The following ARB2A variants were observed in gnomAD, a reference collection of about 807,000 sequenced individuals.
ARB2A encodes the protein ARB2 cotranscriptional regulator A, also known as cotranscriptional regulator ARB2A.
At chr5:93,781,734 TG>T in the ARB2A span, 1 of 207,210 alleles carries the variant, frequency 4.8e-6, no homozygotes, top group Admixed American at 6.5e-5. Context: ...TGGTGTGAGA[TG>T]GTATCTCATT....
the ARB2A span, among the ~76,000 whole-genome samples, chr5:94,073,885 C>A: frequency 6.6e-6 from 1 of 152,092 alleles, no homozygotes; most frequent in African/African-American, 2.4e-5. Flanking sequence ...CAAATGACCT[C>A]CACATGGTCA....
At chr5:93,920,257 T>C in the ARB2A span, among the ~76,000 whole-genome samples, 1 of 152,172 alleles carries the variant, frequency 6.6e-6, no homozygotes, top group Non-Finnish European at 1.5e-5. Context: ...TTAAAATATT[T>C]ACATGGATTA....
the ARB2A span, among the ~76,000 whole-genome samples, chr5:94,104,659 G>C: frequency 2.6e-5 from 4 of 151,968 alleles, no homozygotes; most frequent in African/African-American, 9.7e-5. Context: ...TATGAAGCTA[G>C]CATCATTCTG....
the ARB2A span, among the ~76,000 whole-genome samples, chr5:93,755,227 T>C: frequency 6.6e-6 from 1 of 152,288 alleles, no homozygotes; most frequent in African/African-American, 2.4e-5. Context: ...GTTGCCACTT[T>C]ATAATAAATA....
the ARB2A span, among the ~76,000 whole-genome samples, chr5:94,032,761 A>C: frequency 6.6e-6 from 1 of 152,172 alleles, no homozygotes. Context: ...GTGAGAGATG[A>C]TTCTGGAGTT....
At chr5:94,109,414 A>C in the ARB2A span, among the ~76,000 whole-genome samples, 1 of 152,166 alleles carries the variant, frequency 6.6e-6, no homozygotes, top group African/African-American at 2.4e-5. Flanking sequence ...TACTGTGCAA[A>C]CCCAATCTGA....
chr5:93,633,127 G>A, the ARB2A span, among the ~76,000 whole-genome samples: 1 of 152,140 alleles, frequency 6.6e-6, no homozygotes, highest in African/African-American at 2.4e-5. Flanking sequence ...AGTCATCTTT[G>A]ATTTTTCTCT....
the ARB2A span, among the ~76,000 whole-genome samples, chr5:93,789,970 C>T: frequency 6.6e-6 from 1 of 152,196 alleles, no homozygotes; most frequent in Non-Finnish European, 1.5e-5. Flanking sequence ...TTCAACTCTC[C>T]TGTTACCTGC....
the ARB2A span, among the ~76,000 whole-genome samples, chr5:93,707,188 T>C: frequency 2.0e-5 from 3 of 152,228 alleles, no homozygotes; most frequent in African/African-American, 7.2e-5. Context: ...TGTTTTGCTT[T>C]AGAAGTGTTG....
At chr5:93,620,737 A>C in the ARB2A span, 12 of 387,488 alleles carry the variant, frequency 3.1e-5, no homozygotes, top group South Asian at 1.0e-3. Flanking sequence ...GTCAGCCTTA[A>C]TGTGAGCGCT....
chr5:93,901,336 G>A, the ARB2A span, among the ~76,000 whole-genome samples: 2 of 152,120 alleles, frequency 1.3e-5, no homozygotes, highest in Non-Finnish European at 2.9e-5. Flanking sequence ...TCTTCTTCAG[G>A]GAAACCTGAG....
chr5:94,033,559 G>A, the ARB2A span, among the ~76,000 whole-genome samples: 2 of 152,036 alleles, frequency 1.3e-5, no homozygotes, highest in Non-Finnish European at 2.9e-5. Flanking sequence ...CGAGTAGCTG[G>A]GATTACAGAC....
the ARB2A span, among the ~76,000 whole-genome samples, chr5:94,002,854 C>T: frequency 2.6e-5 from 4 of 152,044 alleles, no homozygotes; most frequent in African/African-American, 4.8e-5. Flanking sequence ...GCATCTCAGA[C>T]ATCCTAAACA....
the ARB2A span, among the ~76,000 whole-genome samples, chr5:94,018,259 A>G: frequency 6.6e-6 from 1 of 152,178 alleles, no homozygotes; most frequent in African/African-American, 2.4e-5. Context: ...AAAGACTATA[A>G]CAATCTAAAG....
At chr5:94,032,789 T>C in the ARB2A span, among the ~76,000 whole-genome samples, 1 of 152,210 alleles carries the variant, frequency 6.6e-6, no homozygotes, top group African/African-American at 2.4e-5. Context: ...TTAATACCTG[T>C]CCTGTAGGTT....
chr5:93,701,436 T>A, the ARB2A span, among the ~76,000 whole-genome samples: 1 of 152,170 alleles, frequency 6.6e-6, no homozygotes. Flanking sequence ...TTTTTCAGTT[T>A]AAGGGACTAA....
At chr5:93,880,524 G>A in the ARB2A span, among the ~76,000 whole-genome samples, 1 of 151,484 alleles carries the variant, frequency 6.6e-6, no homozygotes, top group Non-Finnish European at 1.5e-5. Flanking sequence ...TTTATAAAAC[G>A]TTATTTTCTC....
At chr5:93,891,126 A>C in the ARB2A span, among the ~76,000 whole-genome samples, 4 of 152,148 alleles carry the variant, frequency 2.6e-5, no homozygotes, top group African/African-American at 9.6e-5. Context: ...TTGAATACTT[A>C]TAAGATTTAC....
chr5:94,006,257 A>T, the ARB2A span, among the ~76,000 whole-genome samples: 1 of 152,216 alleles, frequency 6.6e-6, no homozygotes, highest in Non-Finnish European at 1.5e-5. Context: ...TATGCTGAGT[A>T]AAAACAGCCA....
Sources: gnomAD v4.1 joint callset for allele counts (sites outside exome capture counted in the v4.1 genomes callset) on GRCh38, gnomAD v4.1.1 for gene constraint, MANE v1.5 for transcripts, NCBI Gene and HGNC (gene_info 2026-07-23, HGNC 2026-07-21) for gene names.